The following NRP2 variants were observed in gnomAD, a reference collection of about 807,000 sequenced individuals.
NRP2 encodes neuropilin 2.
In NRP2, 52 loss-of-function variants were observed where a neutral mutation model predicts 110.4. That is an observed-to-expected ratio of 0.47 (90% CI 0.38 to 0.59). The LOEUF (loss-of-function observed/expected upper bound fraction) is 0.59. NRP2 is among the 20% of genes least tolerant of loss of function. NRP2 has a pLI of 0.00. For missense variants in NRP2, 1,049 were observed against 1,203.0 expected (o/e 0.87, Z 1.89); for synonymous variants, 508 against 468.9 (o/e 1.08, Z -1.08).
chr2:205,689,147 T>C (rs974644626), intron 1 of NRP2, among the ~76,000 whole-genome samples: 1 of 152,334 alleles, frequency 6.6e-6, no homozygotes, highest in African/African-American at 2.4e-5. Flanking sequence ...AATATTTGTC[T>C]TTCCCTAAAT....
Position 205,743,351 on chromosome 2 carries a change from G to A in NRP2, c.1440G>A (p.Gln480=), listed in dbSNP as rs767653480. 6.2e-6 allele frequency: 10 copies of A among 1,614,124 alleles called. No homozygotes were observed. In the African/African-American group the frequency reaches 1.3e-4, roughly 22 times the overall value. Residue 480 remains glutamine, a synonymous_variant, in exon 9 of 17, where the codon CAG becomes CAA. Coordinates refer to ENST00000357785, the MANE Select transcript of NRP2 (RefSeq NM_003872.3). ...CGGGCTGGTTCCCTCGAATCCCTCA[G>A]GCCCAGCCCGGTGAGGAGTGGCTTC... is the stretch of plus-strand genomic sequence containing the variant. ...SRSGWFPRIP[Q]AQPGEEWLQV... is the part of the protein sequence containing the mutation.
At chr2:205,737,734 A>G (rs150395632) in intron 7 of NRP2, among the ~76,000 whole-genome samples, 5 of 152,330 alleles carry the variant, frequency 3.3e-5, no homozygotes, top group Non-Finnish European at 7.3e-5. Flanking sequence ...CAAGGGTGGG[A>G]GAAGAGTGGG....
intron 15 of NRP2, among the ~76,000 whole-genome samples, chr2:205,773,164 C>T (rs2058048452): frequency 6.6e-6 from 1 of 152,164 alleles, no homozygotes; most frequent in African/African-American, 2.4e-5. Flanking sequence ...TACAGCTCTC[C>T]AAGGCTGGAA....
chr2:205,729,940 G>GT (rs2057203855), intron 7 of NRP2, among the ~76,000 whole-genome samples: 1 of 152,128 alleles, frequency 6.6e-6, no homozygotes, highest in Admixed American at 6.5e-5. Context: ...TAACTTGAGA[G>GT]TTTTTTTGTT....
intron 15 of NRP2, among the ~76,000 whole-genome samples, chr2:205,772,403 C>A (rs545822492): frequency 1.3e-5 from 2 of 152,252 alleles, no homozygotes; most frequent in South Asian, 2.1e-4. Flanking sequence ...AATTCAAATT[C>A]TTTGTGTTTG....
At chr2:205,783,082 T>C (rs1436765645) in intron 15 of NRP2, among the ~76,000 whole-genome samples, 2 of 152,246 alleles carry the variant, frequency 1.3e-5, no homozygotes, top group East Asian at 3.9e-4. Flanking sequence ...CCCTGCCACA[T>C]CTGCCCAACC....
At chr2:205,683,491 G>C in intron 1 of NRP2, 128 bp downstream of exon 1, 1 of 726,726 alleles carries the variant, frequency 1.4e-6, no homozygotes, top group Non-Finnish European at 2.5e-6. Flanking sequence ...TTTAAAGAGA[G>C]ATCCCAGCCG....
Position 205,745,817 on chromosome 2 carries a change from G to C in NRP2, c.1713G>C (p.Val571=), listed in dbSNP as rs1164566164. ...RRFDPIPAQY[V]RVYPERWSPA... is the part of the protein sequence containing the mutation. ...TTGACCCCATTCCGGCACAGTATGT[G>C]CGGGTATACCCGGAGAGGTGGTCGC... Residue 571 remains valine, a synonymous_variant, in exon 10 of 17, where the codon GTG becomes GTC. Coordinates refer to ENST00000357785, the MANE Select transcript of NRP2 (RefSeq NM_003872.3). 6 of 1,614,120 alleles carry C rather than the reference G, an allele frequency of 3.7e-6. No individual in the cohort carries two copies. Among genetic ancestry groups the C allele is most frequent in the Non-Finnish European group, 5.1e-6 (6 of 1,180,028 alleles).
chr2:205,700,945 G>A (rs899692174), intron 2 of NRP2: 15 of 322,208 alleles, frequency 4.7e-5, no homozygotes, highest in Non-Finnish European at 8.1e-5. Flanking sequence ...GCGAGACTAC[G>A]GGCCGTCTGG....
chr2:205,752,450 A>AC, intron 11 of NRP2: 1 of 317,778 alleles, frequency 3.1e-6, no homozygotes, highest in South Asian at 2.8e-5. Context: ...ATGAGATAAT[A>AC]CTTTTTTTGG....
At chr2:205,707,247 G>A (rs2105767136) in intron 2 of NRP2, among the ~76,000 whole-genome samples, 1 of 152,378 alleles carries the variant, frequency 6.6e-6, no homozygotes, top group Admixed American at 6.5e-5. Context: ...GCAGCATGAT[G>A]CTTCAGAATG....
At chr2:205,707,332 C>T (rs1003051298) in intron 2 of NRP2, among the ~76,000 whole-genome samples, 3 of 152,232 alleles carry the variant, frequency 2.0e-5, no homozygotes, top group African/African-American at 4.8e-5. Flanking sequence ...TCAGAATCTC[C>T]GCCCTGGCGT....
intron 5 of NRP2, among the ~76,000 whole-genome samples, chr2:205,724,752 C>T (rs1216441697): frequency 1.3e-5 from 2 of 150,654 alleles, no homozygotes; most frequent in East Asian, 1.9e-4. Flanking sequence ...GTGCAACCTC[C>T]ACCTCCCGGG....
chr2:205,738,504 G>A (rs1200104929), intron 7 of NRP2, among the ~76,000 whole-genome samples: 4 of 152,194 alleles, frequency 2.6e-5, no homozygotes, highest in African/African-American at 7.2e-5. Flanking sequence ...CCTGAGAGCT[G>A]TGGAGCCCTT....
intron 7 of NRP2, among the ~76,000 whole-genome samples, chr2:205,729,836 T>G (rs2057201830): frequency 6.6e-6 from 1 of 152,244 alleles, no homozygotes; most frequent in Non-Finnish European, 1.5e-5. Context: ...TTTTCAGAAT[T>G]ATTTTTCTCA....
At chr2:205,775,917 A>AAG (rs769929391) in intron 15 of NRP2, among the ~76,000 whole-genome samples, 3 of 152,194 alleles carry the variant, frequency 2.0e-5, no homozygotes, top group Non-Finnish European at 4.4e-5. Context: ...ACAGAAAGAG[A>AAG]AGAGATGTGT....
chr2:205,735,013 G>T (rs1045938735), intron 7 of NRP2, among the ~76,000 whole-genome samples: 2 of 152,172 alleles, frequency 1.3e-5, no homozygotes, highest in Non-Finnish European at 1.5e-5. Context: ...GGTGGTGCAC[G>T]TGAAGAGAGA....
At chr2:205,684,898 C>T (rs1313805351) in intron 1 of NRP2, among the ~76,000 whole-genome samples, 1 of 152,214 alleles carries the variant, frequency 6.6e-6, no homozygotes, top group Admixed American at 6.5e-5. Context: ...GTGAGGATGC[C>T]CACAGTATAT....
intron 15 of NRP2, among the ~76,000 whole-genome samples, chr2:205,791,812 ACT>A (rs1203513539): frequency 6.6e-6 from 1 of 152,158 alleles, no homozygotes; most frequent in Non-Finnish European, 1.5e-5. Context: ...GAGGAGAAAG[ACT>A]CTGATGCTTT....
Sources: allele counts gnomAD v4.1 joint callset (sites outside exome capture counted in the v4.1 genomes callset), GRCh38; gene constraint gnomAD v4.1.1; transcripts MANE v1.5; gene names NCBI Gene and HGNC (gene_info 2026-07-23, HGNC 2026-07-21).